The following GALNT13 variants were observed in gnomAD, a reference collection of about 807,000 sequenced individuals.
GALNT13 encodes UDP-GalNAc:polypeptide N-acetylgalactosaminyltransferase 13.
GALNT13 carries 28 observed loss-of-function variants against 64.2 expected under a neutral mutation model. The observed-to-expected ratio is 0.44, with a 90% CI of 0.32 to 0.60. GALNT13 has a LOEUF of 0.60. GALNT13 is among the 20% of genes least tolerant of loss of function. The probability of loss-of-function intolerance (pLI) is 0.05; values close to 1 mark genes in which losing one functional copy is unlikely to be tolerated. For synonymous variants in GALNT13, 214 were observed against 224.6 expected (o/e 0.95, Z 0.42); for missense variants, 577 against 669.8 (o/e 0.86, Z 1.53).
rs1386004261 is a variant in GALNT13, at chr2:153,954,113, G to T, written c.142+9474G>T. ...TGATTTTGTCTGATTAATCTTTGGT[G>T]CTTTGGGGAAGAATTCCTATGTTTA... On this transcript the variant is annotated intron_variant, in intron 3 of 12. Coordinates refer to ENST00000392825, the MANE Select transcript of GALNT13 (RefSeq NM_052917.4). Among the ~76,000 whole-genome samples, 4 of 152,078 alleles carry T rather than the reference G, an allele frequency of 2.6e-5. No individual in the cohort carries two copies. In the East Asian group the frequency reaches 7.7e-4, roughly 29 times the overall value.
At chr2:154,375,853 T>TA (rs1697962790) in intron 9 of GALNT13, among the ~76,000 whole-genome samples, 2 of 152,206 alleles carry the variant, frequency 1.3e-5, no homozygotes. Flanking sequence ...ATCTACTGGA[T>TA]ACTTTGAGTA....
the GALNT13 span, among the ~76,000 whole-genome samples, chr2:153,493,099 G>C: frequency 6.6e-6 from 1 of 151,832 alleles, no homozygotes; most frequent in Non-Finnish European, 1.5e-5. Context: ...GAAGAGCTAA[G>C]GTACCACCAG....
At chr2:154,106,596 A>T (rs1447533250) in intron 3 of GALNT13, among the ~76,000 whole-genome samples, 3 of 151,800 alleles carry the variant, frequency 2.0e-5, no homozygotes, top group Non-Finnish European at 4.4e-5. Flanking sequence ...ATTATTACAG[A>T]TTTATTATAG....
rs549754402 is a variant in GALNT13, at chr2:154,087,214, ACT to A, written c.143-53120_143-53119del. Among the ~76,000 whole-genome samples, 350 of 151,680 alleles carry A rather than the reference ACT, an allele frequency of 2.3e-3. 3 individuals carry two copies. Among genetic ancestry groups the A allele is most frequent in the African/African-American group, 7.5e-3 (310 of 41,450 alleles). On this transcript the variant is annotated intron_variant, in intron 3 of 12. Coordinates refer to ENST00000392825, the MANE Select transcript of GALNT13 (RefSeq NM_052917.4). ...TCTTTTAGGAAAAAAAAAAGATCAG[ACT>A]CTTAGGCCAATTTTTCAGACTCTTC...
At chr2:154,407,677 T>C (rs1699611811) in intron 10 of GALNT13, among the ~76,000 whole-genome samples, 1 of 152,096 alleles carries the variant, frequency 6.6e-6, no homozygotes, top group East Asian at 1.9e-4. Context: ...TTTAATGGGT[T>C]GCTGCTCAGA....
chr2:153,828,699 C>T, the GALNT13 span, among the ~76,000 whole-genome samples: 4 of 152,288 alleles, frequency 2.6e-5, no homozygotes, highest in Admixed American at 1.3e-4. Flanking sequence ...TGGGGATTGA[C>T]GTTGGGCTCC....
At chr2:153,473,190 CAAA>C in the GALNT13 span, among the ~76,000 whole-genome samples, 6 of 150,724 alleles carry the variant, frequency 4.0e-5, no homozygotes, top group Non-Finnish European at 5.9e-5. Flanking sequence ...AGTATAATAA[CAAA>C]AAAAAGGAAA....
chr2:154,203,299 T>C (rs1687270714), intron 4 of GALNT13, among the ~76,000 whole-genome samples: 1 of 152,146 alleles, frequency 6.6e-6, no homozygotes, highest in African/African-American at 2.4e-5. Flanking sequence ...ATGTTTAACA[T>C]CTGGATGATT....
chr2:153,832,758 G>A, the GALNT13 span, among the ~76,000 whole-genome samples: 1 of 152,234 alleles, frequency 6.6e-6, no homozygotes, highest in East Asian at 1.9e-4. Context: ...TTTAGAAAAG[G>A]GATAGACAAA....
chr2:153,395,422 G>A, the GALNT13 span, among the ~76,000 whole-genome samples: 1 of 152,060 alleles, frequency 6.6e-6, no homozygotes, highest in African/African-American at 2.4e-5. Flanking sequence ...CCTTTCAAAC[G>A]AATGCTGAAG....
chr2:153,691,625 A>C, the GALNT13 span, among the ~76,000 whole-genome samples: 4 of 152,156 alleles, frequency 2.6e-5, no homozygotes, highest in Non-Finnish European at 4.4e-5. Flanking sequence ...AAATTAGCCA[A>C]AAGACGAATA....
chr2:153,123,389 C>T, the GALNT13 span, among the ~76,000 whole-genome samples: 1 of 152,126 alleles, frequency 6.6e-6, no homozygotes, highest in Non-Finnish European at 1.5e-5. Context: ...TTAAATTTGA[C>T]TAAATTTAAA....
chr2:153,496,500 T>C, the GALNT13 span, among the ~76,000 whole-genome samples: 2 of 152,214 alleles, frequency 1.3e-5, no homozygotes, highest in African/African-American at 4.8e-5. Context: ...CTAAAAAATA[T>C]CCTGACTTTG....
chr2:153,352,864 T>C, the GALNT13 span, among the ~76,000 whole-genome samples: 1 of 152,112 alleles, frequency 6.6e-6, no homozygotes, highest in East Asian at 1.9e-4. Flanking sequence ...AGCTTTGTAG[T>C]ACGTCTTGAA....
the GALNT13 span, among the ~76,000 whole-genome samples, chr2:153,534,133 C>G: frequency 6.6e-6 from 1 of 152,084 alleles, no homozygotes; most frequent in Non-Finnish European, 1.5e-5. Flanking sequence ...AATAATTGTT[C>G]TAACTTCCCT....
chr2:154,056,523 T>A (rs1000013856), intron 3 of GALNT13, among the ~76,000 whole-genome samples: 6 of 152,172 alleles, frequency 3.9e-5, no homozygotes, highest in Admixed American at 2.6e-4. Context: ...TTTTTTATTC[T>A]TTCTTGGACT....
intron 9 of GALNT13, among the ~76,000 whole-genome samples, chr2:154,387,759 C>G (rs547641066): frequency 3.2e-4 from 48 of 152,220 alleles, no homozygotes; most frequent in Admixed American, 6.5e-4. Flanking sequence ...GGATTTTCTT[C>G]CTTTTTAAGG....
At chr2:153,946,006 GAAC>G (rs1691713063) in intron 3 of GALNT13, among the ~76,000 whole-genome samples, 2 of 152,100 alleles carry the variant, frequency 1.3e-5, no homozygotes, top group South Asian at 4.1e-4. Context: ...TCTGAGAGGG[GAAC>G]ATTATAAGTC....
the GALNT13 span, among the ~76,000 whole-genome samples, chr2:153,390,925 G>A: frequency 6.6e-6 from 1 of 152,030 alleles, no homozygotes; most frequent in African/African-American, 2.4e-5. Context: ...GGTGAAAGCT[G>A]TTAGAAAAGA....
Sources: allele counts gnomAD v4.1 joint callset (sites outside exome capture counted in the v4.1 genomes callset), GRCh38; gene constraint gnomAD v4.1.1; transcripts MANE v1.5; gene names NCBI Gene and HGNC (gene_info 2026-07-23, HGNC 2026-07-21).